Variants in CX3CR1 observed in about 807,000 individuals in gnomAD.
CX3CR1 encodes C-X3-C motif chemokine receptor 1.
For missense variants in CX3CR1, 363 were observed against 432.4 expected, an observed-to-expected ratio of 0.84 and a Z score of 1.42; for synonymous variants, 168 against 178.5, an observed-to-expected ratio of 0.94 and a Z score of 0.47.
At chr3:39,283,793 A>T (rs1377691362), upstream of CX3CR1, among the ~76,000 whole-genome samples, 25 of 63,926 alleles carry the variant, frequency 3.9e-4, no homozygotes, top group Admixed American at 1.8e-3. Flanking sequence ...AAAAAAAAAA[A>T]ATTATATATA....
chr3:39,283,843 T>TATATATATATA (rs1351970787), upstream of CX3CR1, among the ~76,000 whole-genome samples: 18 of 74,132 alleles, frequency 2.4e-4, no homozygotes, highest in South Asian at 6.6e-4. Flanking sequence ...ATATATATAA[T>TATATATATATA]GTGGTTAATA....
intron 1 of CX3CR1, among the ~76,000 whole-genome samples, chr3:39,271,210 A>AT (rs1186045748): frequency 6.6e-6 from 1 of 152,192 alleles, no homozygotes; most frequent in East Asian, 1.9e-4. Context: ...AAGGATAAAT[A>AT]TTATATCCTA....
chr3:39,282,858 G>A (rs978282652), upstream of CX3CR1, among the ~76,000 whole-genome samples: 16 of 152,088 alleles, frequency 1.1e-4, no homozygotes, highest in Middle Eastern at 3.2e-3. Context: ...CTCATGTAGT[G>A]CCCCCAGTGA....
chr3:39,278,791 G>A (rs1425864829), intron 1 of CX3CR1, among the ~76,000 whole-genome samples: 1 of 151,650 alleles, frequency 6.6e-6, no homozygotes, highest in Non-Finnish European at 1.5e-5. Context: ...GGCAAGGCAA[G>A]AGAAATAACA....
Position 39,266,286 on chromosome 3 carries a change from A to G in CX3CR1, c.224T>C (p.Leu75Ser). 2 of 1,614,230 alleles carry G rather than the reference A, an allele frequency of 1.2e-6. No homozygotes were observed. The highest frequency in any genetic ancestry group is 1.7e-6 in the Non-Finnish European group (2 of 1,180,042). ...VTDIYLLNLA[L>S]SDLLFVATLP... ...AGTGGCTACAAACAGCAGATCAGAC[A>G]AGGCCAGGTTCAGGAGGTAAATGTC... Residue 75 changes from leucine (L) to serine (S), a missense_variant, in exon 2 of 2, where the codon TTG (leucine) becomes TCG (serine). Leu to Ser is a moderately radical substitution (Grantham distance 145). Transcript: ENST00000399220.
upstream of CX3CR1, chr3:39,281,520 G>T: frequency 8.7e-7 from 1 of 1,153,496 alleles, no homozygotes; most frequent in East Asian, 2.5e-5. Flanking sequence ...GTGTTCATGA[G>T]CACACATCTC....
chr3:39,290,614 A>G, the CX3CR1 span, among the ~76,000 whole-genome samples: 1 of 152,178 alleles, frequency 6.6e-6, no homozygotes, highest in East Asian at 1.9e-4. Flanking sequence ...TCCTAAGAAT[A>G]TAGCTACAGA....
chr3:39,271,407 A>G (rs1575208370), intron 1 of CX3CR1, among the ~76,000 whole-genome samples: 1 of 152,328 alleles, frequency 6.6e-6, no homozygotes, highest in East Asian at 1.9e-4. Flanking sequence ...GAAAGACTTC[A>G]AGGAGCAAGA....
chr3:39,275,420 G>A (rs1210594302), intron 1 of CX3CR1, among the ~76,000 whole-genome samples: 1 of 152,126 alleles, frequency 6.6e-6, no homozygotes, highest in African/African-American at 2.4e-5. Flanking sequence ...ATTTTCCTCT[G>A]GGTAGAGCCA....
At chr3:39,272,760 G>A (rs1490164462) in intron 1 of CX3CR1, among the ~76,000 whole-genome samples, 1 of 152,148 alleles carries the variant, frequency 6.6e-6, no homozygotes, top group Admixed American at 6.5e-5. Context: ...AATGAGAGTA[G>A]AGAATTGCTT....
At chr3:39,282,213 C>A (rs940122506), upstream of CX3CR1, among the ~76,000 whole-genome samples, 7 of 152,176 alleles carry the variant, frequency 4.6e-5, no homozygotes, top group African/African-American at 1.4e-4. Context: ...CAGAAAGAGC[C>A]TTGGCAGCCT....
chr3:39,265,501 C>T lies in CX3CR1; in HGVS notation c.1009G>A (p.Val337Ile). The T allele has an allele frequency of 6.2e-7, 1 of 1,614,224 alleles. No individual in the cohort carries two copies. Among genetic ancestry groups the T allele is most frequent in the South Asian group, 1.1e-5 (1 of 91,088 alleles). The change falls in exon 2 of 2, where the codon GTT (valine) becomes ATT (isoleucine). Residue 337 changes from valine to isoleucine, a missense_variant. Val to Ile is a conservative substitution (Grantham distance 29). Transcript: ENST00000399220. ...TGGTAAGTAAAATTGCTGCTCAGAA[C>T]ACTTCCATGCCTGCTCCTTTGTGAT... ...SESQRSRHGS[V>I]LSSNFTYHTS...
chr3:39,288,620 C>G, the CX3CR1 span, among the ~76,000 whole-genome samples: 2 of 152,216 alleles, frequency 1.3e-5, no homozygotes, highest in South Asian at 4.1e-4. Context: ...CTTCAGAGCT[C>G]CCCTCTGGTT....
At chr3:39,286,446 C>G (rs1234076630), upstream of CX3CR1, 2 of 151,268 alleles carry the variant, frequency 1.3e-5, no homozygotes, top group African/African-American at 4.9e-5. Flanking sequence ...GTCAGGAGAT[C>G]GAGACCATCC....
intron 1 of CX3CR1, among the ~76,000 whole-genome samples, chr3:39,278,587 T>TTTTTTC (rs2040864469): frequency 6.8e-6 from 1 of 147,550 alleles, no homozygotes; most frequent in Non-Finnish European, 1.5e-5. Flanking sequence ...CCTTTTTTTT[T>TTTTTTC]GGCTCAATTT....
At chr3:39,279,786 A>G (rs2040875268) in intron 1 of CX3CR1, among the ~76,000 whole-genome samples, 168 bp downstream of exon 1, 2 of 152,280 alleles carry the variant, frequency 1.3e-5, no homozygotes, top group South Asian at 4.1e-4. Context: ...AAATGATCTG[A>G]TCACCCCTTG....
At chr3:39,272,324 G>A (rs2040787180) in intron 1 of CX3CR1, among the ~76,000 whole-genome samples, 1 of 152,132 alleles carries the variant, frequency 6.6e-6, no homozygotes, top group African/African-American at 2.4e-5. Flanking sequence ...ACAGAGCTTT[G>A]AGTGTACACA....
In CX3CR1 at chr3:39,277,758, C is replaced by A. The variant is rs192182745; in HGVS notation, c.-10+2196G>T. Among the ~76,000 whole-genome samples, 13 of 152,314 alleles carry A rather than the reference C, an allele frequency of 8.5e-5. No individual in the cohort carries two copies. In the East Asian group the frequency reaches 2.5e-3, roughly 29 times the overall value. On this transcript the variant is annotated intron_variant, in intron 1 of 1. Coordinates refer to ENST00000399220, the MANE Select transcript of CX3CR1 (RefSeq NM_001337.4). ...GGAAGGGGATAGACGATCGTCCTGA[C>A]TGGGTCAGCTCTAATACGTTCTTTG...
upstream of CX3CR1, among the ~76,000 whole-genome samples, chr3:39,283,583 C>A (rs555161187): frequency 6.6e-6 from 1 of 151,418 alleles, no homozygotes; most frequent in East Asian, 2.0e-4. Context: ...GGTTCAAGAC[C>A]AGCCTGGCCA....
Sources: allele counts gnomAD v4.1 joint callset (sites outside exome capture counted in the v4.1 genomes callset), GRCh38; gene constraint gnomAD v4.1.1; transcripts MANE v1.5; gene names NCBI Gene and HGNC (gene_info 2026-07-23, HGNC 2026-07-21).